The following FOXP1 variants were observed in gnomAD, a reference collection of about 807,000 sequenced individuals.
FOXP1 encodes forkhead box protein P1.
Under a neutral mutation model 98.2 loss-of-function variants are expected in FOXP1, and 15 were observed. The observed-to-expected ratio is 0.15, with a 90% CI of 0.10 to 0.24. FOXP1 has a LOEUF of 0.24. FOXP1 is among the 10% of genes least tolerant of loss of function. The pLI is 1.00. For synonymous variants in FOXP1, 371 were observed against 314.5 expected (o/e 1.18, Z -1.90); for missense variants, 633 against 848.5 (o/e 0.75, Z 3.15).
rs1410246039 is a variant in FOXP1 at position 71,163,341 on chromosome 3, G to A, written c.180+34861C>T. Among the ~76,000 whole-genome samples, 6 of 152,334 alleles carry A rather than the reference G, an allele frequency of 3.9e-5. No homozygotes were observed. In the East Asian group the frequency reaches 9.6e-4, roughly 24 times the overall value. ...TTCACTTCCTTCAAGGGAACTTAGAGAGCGGGATTTTATTGCTGTGAATTC... is the reference window on the plus strand; with the variant it reads ...TTCACTTCCTTCAAGGGAACTTAGAAAGCGGGATTTTATTGCTGTGAATTC... On this transcript the variant is annotated intron_variant, in intron 6 of 20. Transcript: ENST00000649528.
At chr3:70,964,933 C>T (rs2034417584) in intron 20 of FOXP1, among the ~76,000 whole-genome samples, 1 of 152,174 alleles carries the variant, frequency 6.6e-6, no homozygotes, top group Non-Finnish European at 1.5e-5. Context: ...TCATAATTTC[C>T]ATTCCGATCA....
At chr3:71,406,217 A>T (rs2082312264) in intron 3 of FOXP1, among the ~76,000 whole-genome samples, 1 of 151,914 alleles carries the variant, frequency 6.6e-6, no homozygotes, top group South Asian at 2.1e-4. Context: ...ACAGTTCTGG[A>T]GATCAGAAGT....
intron 19 of FOXP1, chr3:70,970,461 C>T (rs181283131): frequency 4.1e-4 from 187 of 454,394 alleles, no homozygotes; most frequent in Middle Eastern, 2.6e-3. Context: ...AAGTGAAATT[C>T]TGAAATAAGA....
In FOXP1 at chr3:71,350,794, C is replaced by T. The variant is rs1028446858; in HGVS notation, c.-73+8356G>A. On this transcript the variant is annotated intron_variant, in intron 4 of 20. Transcript: ENST00000649528. ...TTTGCTGTGTATCAAGTATAGTACC[C>T]GACGTGGTACATAAACATAGTTCAC... is the stretch of plus-strand genomic sequence containing the variant. Among the ~76,000 whole-genome samples the T allele has an allele frequency of 5.3e-5, 8 of 152,254 alleles. No individual in the cohort carries two copies. In the East Asian group the frequency reaches 1.2e-3, roughly 22 times the overall value.
chr3:71,178,894 A>C (rs2062110022), intron 6 of FOXP1, among the ~76,000 whole-genome samples: 1 of 151,518 alleles, frequency 6.6e-6, no homozygotes, highest in Non-Finnish European at 1.5e-5. Flanking sequence ...AAAAACAAAA[A>C]ACAAACAAAC....
intron 3 of FOXP1, among the ~76,000 whole-genome samples, chr3:71,413,772 G>A (rs568144160): frequency 6.6e-6 from 1 of 152,110 alleles, no homozygotes; most frequent in African/African-American, 2.4e-5. Context: ...ATGGGTGTGT[G>A]TGCTTACATA....
intron 2 of FOXP1, among the ~76,000 whole-genome samples, chr3:71,544,030 CAT>C (rs564930846): frequency 8.1e-4 from 113 of 140,020 alleles, no homozygotes; most frequent in Middle Eastern, 3.9e-3. Flanking sequence ...CATATACACA[CAT>C]ATACACACAT....
intron 6 of FOXP1, among the ~76,000 whole-genome samples, chr3:71,154,065 T>C (rs1465467299): frequency 1.3e-5 from 2 of 151,228 alleles, no homozygotes; most frequent in Admixed American, 1.3e-4. Context: ...ATTTTGTTTT[T>C]CCCCTTTGCA....
intron 6 of FOXP1, among the ~76,000 whole-genome samples, chr3:71,174,092 C>A (rs764622156): frequency 7.9e-5 from 12 of 152,178 alleles, no homozygotes; most frequent in Non-Finnish European, 1.3e-4. Flanking sequence ...AGAACACAGA[C>A]AGATCCATTA....
At chr3:71,382,388 G>C (rs1188129202) in intron 3 of FOXP1, among the ~76,000 whole-genome samples, 1 of 152,136 alleles carries the variant, frequency 6.6e-6, no homozygotes, top group Non-Finnish European at 1.5e-5. Flanking sequence ...CTGACATATG[G>C]GAAGTCATGG....
intron 3 of FOXP1, among the ~76,000 whole-genome samples, chr3:71,408,258 A>C (rs1340400201): frequency 6.6e-6 from 1 of 152,216 alleles, no homozygotes; most frequent in Admixed American, 6.5e-5. Flanking sequence ...TCAAACTGAA[A>C]TCAGTTTCAT....
At chr3:71,488,461 T>A (rs1380137179) in intron 3 of FOXP1, among the ~76,000 whole-genome samples, 3 of 152,202 alleles carry the variant, frequency 2.0e-5, no homozygotes, top group Non-Finnish European at 4.4e-5. Context: ...CACCTCCTGC[T>A]GCTTATGGGC....
At chr3:71,354,045 G>A (rs923195409) in intron 4 of FOXP1, among the ~76,000 whole-genome samples, 9 of 151,548 alleles carry the variant, frequency 5.9e-5, no homozygotes, top group African/African-American at 2.2e-4. Flanking sequence ...GGTGGTTCAC[G>A]CCTGTAATCC....
At chr3:71,072,073 C>T (rs1384961861) in intron 7 of FOXP1, among the ~76,000 whole-genome samples, 1 of 152,196 alleles carries the variant, frequency 6.6e-6, no homozygotes, top group Non-Finnish European at 1.5e-5. Context: ...TGTAATCCCA[C>T]TGACTCAGGA....
intron 3 of FOXP1, among the ~76,000 whole-genome samples, chr3:71,482,378 T>C (rs1298295528): frequency 6.7e-6 from 1 of 149,286 alleles, no homozygotes; most frequent in African/African-American, 2.5e-5. Context: ...TTTTTTTTTT[T>C]TTTTTTTTGA....
chr3:71,240,786 C>G (rs1488840830), intron 5 of FOXP1, among the ~76,000 whole-genome samples: 2 of 151,484 alleles, frequency 1.3e-5, no homozygotes, highest in Non-Finnish European at 2.9e-5. Flanking sequence ...ACCTCATGAT[C>G]TGCCCGCCCT....
chr3:71,479,864 T>G (rs573954425), intron 3 of FOXP1, among the ~76,000 whole-genome samples: 1 of 152,200 alleles, frequency 6.6e-6, no homozygotes, highest in Admixed American at 6.5e-5. Context: ...AGTCTCCAAC[T>G]TTACCCTACC....
intron 6 of FOXP1, chr3:71,130,916 A>G: frequency 1.5e-6 from 2 of 1,347,814 alleles, no homozygotes; most frequent in Non-Finnish European, 1.9e-6. Context: ...CAGCACACGC[A>G]GTGCGCCCTG....
chr3:70,983,171 C>G (rs1232594787), intron 14 of FOXP1, among the ~76,000 whole-genome samples: 1 of 152,130 alleles, frequency 6.6e-6, no homozygotes, highest in Admixed American at 6.6e-5. Flanking sequence ...ACCATCTCAG[C>G]CTGGCCCTGT....
Sources: allele counts gnomAD v4.1 joint callset (sites outside exome capture counted in the v4.1 genomes callset), GRCh38; gene constraint gnomAD v4.1.1; transcripts MANE v1.5; gene names NCBI Gene and HGNC (gene_info 2026-07-23, HGNC 2026-07-21).